The following TRDN variants were observed in gnomAD, a reference collection of about 807,000 sequenced individuals.
TRDN encodes the protein triadin in skeletal muscle.
In TRDN, 161 loss-of-function variants were observed where a neutral mutation model predicts 149.7. The observed-to-expected ratio is 1.08, with a 90% CI of 0.95 to 1.23. The LOEUF (loss-of-function observed/expected upper bound fraction) is 1.23, where lower values mean the gene tolerates loss of function less well. Ranked by LOEUF, TRDN falls within the 50% of genes most tolerant of loss-of-function variation. The pLI is 0.00. For synonymous variants in TRDN, 294 were observed against 250.5 expected (o/e 1.17, Z -1.64); for missense variants, 896 against 823.5 (o/e 1.09, Z -1.08).
At chr6:123,289,423 C>A (rs1008856543) in intron 24 of TRDN, among the ~76,000 whole-genome samples, 1 of 151,932 alleles carries the variant, frequency 6.6e-6, no homozygotes, top group East Asian at 1.9e-4. Flanking sequence ...GTTCTCATGG[C>A]GATCACAGTC....
chr6:123,625,710 T>C (rs1367615740), intron 1 of TRDN, among the ~76,000 whole-genome samples: 1 of 152,134 alleles, frequency 6.6e-6, no homozygotes, highest in Non-Finnish European at 1.5e-5. Context: ...ATTTCATGCA[T>C]CCCATAAATA....
chr6:123,340,081 C>T (rs1780010925), intron 21 of TRDN, among the ~76,000 whole-genome samples: 1 of 151,976 alleles, frequency 6.6e-6, no homozygotes, highest in Admixed American at 6.6e-5. Flanking sequence ...TAGCAAAGAG[C>T]TTTTACTTTT....
intron 13 of TRDN, among the ~76,000 whole-genome samples, chr6:123,390,369 T>C (rs1173547160): frequency 6.6e-6 from 1 of 152,216 alleles, no homozygotes; most frequent in Non-Finnish European, 1.5e-5. Flanking sequence ...AAAAACAATC[T>C]GTACATATGC....
intron 9 of TRDN, among the ~76,000 whole-genome samples, chr6:123,490,207 G>A (rs1778154876): frequency 6.6e-6 from 1 of 152,130 alleles, no homozygotes; most frequent in Non-Finnish European, 1.5e-5. Flanking sequence ...TACTATAGTA[G>A]TTCCCTCTTA....
chr6:123,608,818 A>G (rs984573082), intron 1 of TRDN, among the ~76,000 whole-genome samples: 1 of 152,146 alleles, frequency 6.6e-6, no homozygotes, highest in African/African-American at 2.4e-5. Flanking sequence ...AAAGTTTTAC[A>G]AAGGAATGAA....
At chr6:123,384,976 C>T (rs1251888887) in intron 14 of TRDN, among the ~76,000 whole-genome samples, 1 of 152,144 alleles carries the variant, frequency 6.6e-6, no homozygotes, top group Non-Finnish European at 1.5e-5. Flanking sequence ...TACTTCCCTG[C>T]CCAATAATCT....
chr6:123,521,823 T>C (rs1583183411), intron 5 of TRDN, among the ~76,000 whole-genome samples: 1 of 152,118 alleles, frequency 6.6e-6, no homozygotes, highest in African/African-American at 2.4e-5. Flanking sequence ...CAACTGAGGT[T>C]GCCAAACCCC....
At chr6:123,350,184 T>G in intron 21 of TRDN, 1 of 970,460 alleles carries the variant, frequency 1.0e-6, no homozygotes. Context: ...AAAAATATTT[T>G]TGTCGTGTTT....
At chr6:123,451,274 C>T (rs1775752104) in intron 10 of TRDN, among the ~76,000 whole-genome samples, 1 of 147,900 alleles carries the variant, frequency 6.8e-6, no homozygotes, top group African/African-American at 2.6e-5. Context: ...AAAATTGAAA[C>T]AACAACAAAA....
At chr6:123,338,264 G>A (rs1340938891) in intron 21 of TRDN, among the ~76,000 whole-genome samples, 1 of 152,044 alleles carries the variant, frequency 6.6e-6, no homozygotes, top group East Asian at 1.9e-4. Flanking sequence ...AACATGAAAT[G>A]GAAAGAAAGA....
chr6:123,625,097 T>C (rs1325507363), intron 1 of TRDN, among the ~76,000 whole-genome samples: 1 of 151,280 alleles, frequency 6.6e-6, no homozygotes, highest in Non-Finnish European at 1.5e-5. Context: ...TCTGCATTGA[T>C]CAAATGTACT....
chr6:123,344,910 C>G (rs963943999), intron 21 of TRDN, among the ~76,000 whole-genome samples: 2 of 152,032 alleles, frequency 1.3e-5, no homozygotes, highest in African/African-American at 4.8e-5. Flanking sequence ...GCTCTACACC[C>G]TCCCCAGCAT....
At chr6:123,415,401 G>A (rs1046409559) in intron 12 of TRDN, among the ~76,000 whole-genome samples, 3 of 152,142 alleles carry the variant, frequency 2.0e-5, no homozygotes, top group East Asian at 1.9e-4. Context: ...TCGCTGTAAC[G>A]TTAGAACCAT....
At chr6:123,272,160 A>G (rs1335782258) in intron 29 of TRDN, among the ~76,000 whole-genome samples, 1 of 151,970 alleles carries the variant, frequency 6.6e-6, no homozygotes, top group East Asian at 1.9e-4. Context: ...CATTGTATAC[A>G]GATTTTCTGA....
intron 35 of TRDN, among the ~76,000 whole-genome samples, chr6:123,257,000 T>C (rs1253708767): frequency 7.6e-6 from 1 of 131,444 alleles, no homozygotes; most frequent in Non-Finnish European, 1.6e-5. Flanking sequence ...TTTTTTTTTT[T>C]AGACAGAGTC....
At chr6:123,259,528 A>G (rs1001509718) in intron 35 of TRDN, 96 bp downstream of exon 35, 2 of 792,502 alleles carry the variant, frequency 2.5e-6, no homozygotes, top group African/African-American at 1.8e-5. Flanking sequence ...CATTTTCATC[A>G]ACTGTTTTTA....
intron 23 of TRDN, among the ~76,000 whole-genome samples, chr6:123,320,715 A>G (rs1779212390): frequency 6.6e-6 from 1 of 152,124 alleles, no homozygotes; most frequent in South Asian, 2.1e-4. Flanking sequence ...AGCACACCAC[A>G]TTCTACTTCT....
intron 10 of TRDN, among the ~76,000 whole-genome samples, chr6:123,443,412 T>A (rs73544289): frequency 0.042 from 6,329 of 151,956 alleles, 192 homozygotes; most frequent in Non-Finnish European, 0.063. Context: ...GTGGAAGAGC[T>A]TTGGGCTATT....
chr6:123,318,470 C>T (rs1372335959), intron 23 of TRDN, among the ~76,000 whole-genome samples: 1 of 151,984 alleles, frequency 6.6e-6, no homozygotes, highest in Non-Finnish European at 1.5e-5. Flanking sequence ...TTCCATTTTC[C>T]CAACCTATTT....
Sources: gnomAD v4.1 joint callset for allele counts (sites outside exome capture counted in the v4.1 genomes callset) on GRCh38, gnomAD v4.1.1 for gene constraint, MANE v1.5 for transcripts, NCBI Gene and HGNC (gene_info 2026-07-23, HGNC 2026-07-21) for gene names.